Variants in TTC39C observed in about 807,000 individuals in gnomAD.
The protein encoded by TTC39C is tetratricopeptide repeat protein 39C.
Under a neutral mutation model 76.3 loss-of-function variants are expected in TTC39C, and 33 were observed. The observed-to-expected ratio is 0.43, with a 90% CI of 0.33 to 0.58. The LOEUF (loss-of-function observed/expected upper bound fraction) is 0.58. Ranked by LOEUF, TTC39C falls within the 20% of genes least tolerant of loss-of-function variation. The probability of loss-of-function intolerance (pLI) is 0.04; values close to 1 mark genes in which losing one functional copy is unlikely to be tolerated. For synonymous variants in TTC39C, 254 were observed against 260.6 expected (o/e 0.97, Z 0.24); for missense variants, 595 against 701.4 (o/e 0.85, Z 1.71).
intron 1 of TTC39C, among the ~76,000 whole-genome samples, chr18:24,001,821 C>CTTT (rs1568399948): frequency 3.0e-5 from 1 of 33,560 alleles, no homozygotes; most frequent in African/African-American, 1.0e-4. Context: ...TACGGTAATT[C>CTTT]TGTTTTTTTT....
rs1318213114 is a variant in TTC39C at position 24,041,146 on chromosome 18, C to T, written c.168-22994C>T. Among the ~76,000 whole-genome samples, 7 of 152,140 alleles carry T rather than the reference C, an allele frequency of 4.6e-5. 1 individual carries two copies. Among genetic ancestry groups the T allele is most frequent in the Non-Finnish European group, 1.0e-4 (7 of 68,032 alleles). Reference sequence around the variant, plus strand: ...TTACATGTCATTTCATAATTCATGCCTGCATAGACCCCTAATGCCATCAGT... The same window carrying T: ...TTACATGTCATTTCATAATTCATGCTTGCATAGACCCCTAATGCCATCAGT... On this transcript the variant is annotated intron_variant, in intron 1 of 13. Transcript: ENST00000317571.
intron 4 of TTC39C, among the ~76,000 whole-genome samples, chr18:24,072,210 G>A (rs1232348546): frequency 6.6e-6 from 1 of 151,418 alleles, no homozygotes; most frequent in Non-Finnish European, 1.5e-5. Context: ...CCCTTGGAGC[G>A]GGGCAGCACT....
At chr18:24,102,783 G>A (rs181334105) in intron 6 of TTC39C, among the ~76,000 whole-genome samples, 1 of 152,220 alleles carries the variant, frequency 6.6e-6, no homozygotes, top group East Asian at 1.9e-4. Context: ...GATGAGACCG[G>A]GATAAGCTTA....
intron 1 of TTC39C, among the ~76,000 whole-genome samples, chr18:24,048,301 C>T (rs2083909471): frequency 6.6e-6 from 1 of 152,186 alleles, no homozygotes; most frequent in African/African-American, 2.4e-5. Flanking sequence ...TTTTGAAATA[C>T]TTGATAAACT....
At chr18:24,022,511 G>A in intron 1 of TTC39C, 1 of 967,578 alleles carries the variant, frequency 1.0e-6, no homozygotes, top group Middle Eastern at 5.3e-4. Flanking sequence ...GAGTCTGGGT[G>A]TGACCATGTG....
chr18:24,117,439 C>A (rs1470239844), intron 7 of TTC39C, among the ~76,000 whole-genome samples: 2 of 152,082 alleles, frequency 1.3e-5, no homozygotes, highest in Non-Finnish European at 2.9e-5. Context: ...CGGTGGCTCA[C>A]ACCTGTAATC....
intron 1 of TTC39C, among the ~76,000 whole-genome samples, chr18:24,040,712 T>C (rs1445845166): frequency 6.6e-6 from 1 of 152,164 alleles, no homozygotes; most frequent in Non-Finnish European, 1.5e-5. Flanking sequence ...GAGTATCCAA[T>C]AGGTGAAGGG....
At chr18:24,050,912 T>G (rs1370109823) in intron 1 of TTC39C, among the ~76,000 whole-genome samples, 1 of 152,034 alleles carries the variant, frequency 6.6e-6, no homozygotes, top group Non-Finnish European at 1.5e-5. Flanking sequence ...TTTTGTCATC[T>G]TGTTGTTGAA....
intron 6 of TTC39C, among the ~76,000 whole-genome samples, chr18:24,100,906 A>G (rs1311421737): frequency 6.6e-6 from 1 of 152,146 alleles, no homozygotes; most frequent in East Asian, 1.9e-4. Flanking sequence ...TGTCCCATGA[A>G]AAGAGGTTCT....
chr18:24,023,741 C>A (rs2083543406), intron 1 of TTC39C, among the ~76,000 whole-genome samples: 1 of 151,674 alleles, frequency 6.6e-6, no homozygotes, highest in South Asian at 2.1e-4. Flanking sequence ...CTGGGAGAAT[C>A]TGGTGGCTAG....
At chr18:24,101,305 T>A (rs868358304) in intron 6 of TTC39C, among the ~76,000 whole-genome samples, 200 of 139,364 alleles carry the variant, frequency 1.4e-3, no homozygotes, top group Non-Finnish European at 1.5e-3. Flanking sequence ...TAATTTTTCA[T>A]AAAAAAAAAA....
At chr18:24,071,434 T>C (rs188085270) in intron 4 of TTC39C, among the ~76,000 whole-genome samples, 28 of 152,334 alleles carry the variant, frequency 1.8e-4, no homozygotes, top group Admixed American at 1.7e-3. Context: ...AATATTAGTA[T>C]GGAATATTTT....
chr18:24,124,253 A>G (rs1292073096), intron 9 of TTC39C: 1 of 202,496 alleles, frequency 4.9e-6, no homozygotes, highest in Non-Finnish European at 9.8e-6. Flanking sequence ...AAAAGGTGAA[A>G]GATATATATG....
In TTC39C at chr18:24,132,712, T is replaced by C. The variant is rs1472034740; in HGVS notation, c.*138T>C. On this transcript the variant is annotated 3_prime_UTR_variant, in exon 14 of 14. Transcript: ENST00000317571. ...CAGGGACACATTTTCCCAGTTAAGC[T>C]GACATATTAAAGATCTCCTCTTTTA... 1.8e-5 allele frequency: 11 copies of C among 596,910 alleles called. No homozygotes were observed. The highest frequency in any genetic ancestry group is 2.3e-5 in the Non-Finnish European group (8 of 352,222). 37.0% of individuals were successfully genotyped at this position (596,910 alleles called of 1,614,324 possible).
intron 6 of TTC39C, among the ~76,000 whole-genome samples, chr18:24,111,766 G>A (rs1460821449): frequency 1.3e-5 from 2 of 151,836 alleles, no homozygotes; most frequent in Admixed American, 1.3e-4. Flanking sequence ...GCCAGACACA[G>A]CAGTGCATGC....
Position 24,014,795 on chromosome 18 carries a change from C to G in TTC39C, c.-77C>G. 1 of 1,190,874 alleles carries G rather than the reference C, an allele frequency of 8.4e-7. No individual in the cohort carries two copies. The highest frequency in any genetic ancestry group is 1.0e-6 in the Non-Finnish European group (1 of 957,746). The allele number at this position is 1,190,874 out of a possible 1,614,324, so 73.8% of individuals were successfully genotyped here. A position where few individuals can be genotyped will look rare whatever the true frequency, so the allele number is the denominator to read the frequency against. On this transcript the variant is annotated 5_prime_UTR_variant, in exon 1 of 14. Transcript: ENST00000317571. ...TCCGCTTGGCTCCGGGCAGGTAGAG[C>G]CGGGCTCCGGGCGCGCGCGGGGCCG...
At chr18:24,078,077 A>G (rs2145754234) in intron 4 of TTC39C, among the ~76,000 whole-genome samples, 1 of 152,378 alleles carries the variant, frequency 6.6e-6, no homozygotes, top group Admixed American at 6.5e-5. Context: ...AGAACGAATG[A>G]AAAGAAATTG....
At position 24,028,124 on chromosome 18, in the gene TTC39C, C is replaced by T. The variant is rs149668204; in HGVS notation, c.167+13086C>T. Among the ~76,000 whole-genome samples, 296 of 151,996 alleles carry T rather than the reference C, an allele frequency of 1.9e-3. No homozygotes were observed. The Middle Eastern group carries it at 0.038, about 19-fold the overall frequency. ...ATTACAAATGGAGCTAGAAATTACTCCTCTTGAAATAGCATAGGGGAAAAA... is the reference window on the plus strand; with the variant it reads ...ATTACAAATGGAGCTAGAAATTACTTCTCTTGAAATAGCATAGGGGAAAAA... On this transcript the variant is annotated intron_variant, in intron 1 of 13. Coordinates refer to ENST00000317571, the MANE Select transcript of TTC39C (RefSeq NM_001135993.2).
At chr18:24,058,009 A>G (rs1302320649) in intron 1 of TTC39C, among the ~76,000 whole-genome samples, 3 of 152,234 alleles carry the variant, frequency 2.0e-5, no homozygotes, top group African/African-American at 4.8e-5. Context: ...TGTCCTTTGC[A>G]GGAACATGGA....
Sources: gnomAD v4.1 joint callset for allele counts (sites outside exome capture counted in the v4.1 genomes callset) on GRCh38, gnomAD v4.1.1 for gene constraint, MANE v1.5 for transcripts, NCBI Gene and HGNC (gene_info 2026-07-23, HGNC 2026-07-21) for gene names.